The following SH3D19 variants were observed in gnomAD, a reference collection of about 807,000 sequenced individuals.
SH3D19 encodes SH3 domain containing 19.
Under a neutral mutation model 112.1 loss-of-function variants are expected in SH3D19, and 58 were observed. That is an observed-to-expected ratio of 0.52 (90% CI 0.42 to 0.64). The LOEUF (loss-of-function observed/expected upper bound fraction) is 0.64. Among genes scored for constraint, SH3D19 ranks in the 30% least tolerant of loss-of-function variants. SH3D19 has a pLI of 0.00. For synonymous variants in SH3D19, 391 were observed against 448.5 expected (o/e 0.87, Z 1.62); for missense variants, 1,090 against 1,263.4 (o/e 0.86, Z 2.08).
chr4:151,272,596 T>TA (rs1474388399), intron 1 of SH3D19, among the ~76,000 whole-genome samples: 1 of 152,340 alleles, frequency 6.6e-6, no homozygotes, highest in Non-Finnish European at 1.5e-5. Context: ...CTCCCTTTTT[T>TA]ACCTTCACAA....
rs1310258188 is a variant in SH3D19, at chr4:151,129,426, A to G, written c.2743-1070T>C. Among the ~76,000 whole-genome samples the G allele has an allele frequency of 3.3e-5, 5 of 152,200 alleles. No individual in the cohort carries two copies. In the East Asian group the frequency reaches 7.7e-4, roughly 23 times the overall value. ...GCTCTGTTGCCCAGGCTGAAGGGCA[A>G]TGATGCAATCTTGGCTCAATGCAAC... On this transcript the variant is annotated intron_variant, in intron 17 of 19. Transcript: ENST00000604030.
intron 1 of SH3D19, among the ~76,000 whole-genome samples, chr4:151,313,548 C>G (rs537890030): frequency 4.5e-4 from 68 of 152,242 alleles, no homozygotes; most frequent in African/African-American, 1.6e-3. Flanking sequence ...TCCTGAGTAG[C>G]TGGGACTACA....
intron 1 of SH3D19, among the ~76,000 whole-genome samples, chr4:151,256,013 G>A (rs75918932): frequency 8.5e-5 from 9 of 105,312 alleles, no homozygotes; most frequent in Admixed American, 2.2e-4. Context: ...GGAAAGAGAG[G>A]GGGAGAGGGA....
At chr4:151,168,005 C>A (rs1450137286) in intron 7 of SH3D19, among the ~76,000 whole-genome samples, 1 of 152,180 alleles carries the variant, frequency 6.6e-6, no homozygotes, top group Non-Finnish European at 1.5e-5. Flanking sequence ...CAACATTAAA[C>A]TTTACTTTTT....
At chr4:151,224,385 G>A (rs111341169) in intron 2 of SH3D19, among the ~76,000 whole-genome samples, 17 of 152,132 alleles carry the variant, frequency 1.1e-4, no homozygotes, top group African/African-American at 3.6e-4. Flanking sequence ...TAATCAAATC[G>A]GTGCAGACTT....
chr4:151,298,177 A>G (rs984649285), intron 1 of SH3D19, among the ~76,000 whole-genome samples: 25 of 142,202 alleles, frequency 1.8e-4, no homozygotes, highest in African/African-American at 6.5e-4. Flanking sequence ...TTACAGAATA[A>G]TAAATTTTTT....
intron 1 of SH3D19, among the ~76,000 whole-genome samples, chr4:151,289,616 T>C (rs1775134505): frequency 6.6e-6 from 1 of 152,190 alleles, no homozygotes; most frequent in South Asian, 2.1e-4. Flanking sequence ...GATATGCAAA[T>C]GTAGAGAAAT....
chr4:151,322,861 A>G (rs1002833187), intron 1 of SH3D19, among the ~76,000 whole-genome samples: 11 of 152,174 alleles, frequency 7.2e-5, no homozygotes, highest in African/African-American at 2.7e-4. Context: ...ATTCCACTTA[A>G]ATGATCTTAA....
intron 15 of SH3D19, among the ~76,000 whole-genome samples, chr4:151,134,764 T>C (rs913229212): frequency 1.3e-5 from 2 of 152,192 alleles, no homozygotes; most frequent in Admixed American, 6.6e-5. Flanking sequence ...TTTTAACCCA[T>C]TGTCACCTTT....
chr4:151,204,607 C>A (rs1764841802), intron 2 of SH3D19, among the ~76,000 whole-genome samples: 1 of 152,096 alleles, frequency 6.6e-6, no homozygotes, highest in Non-Finnish European at 1.5e-5. Context: ...GTACATCTGC[C>A]ATTTGATGTC....
In SH3D19 at chr4:151,135,077, A is replaced by C; in HGVS notation, c.2483T>G (p.Val828Gly). Reference sequence around the variant, plus strand: ...AAAGAACACAAATAAAACTTACTTAACACAATGAGATGAAACACATTCTCT... The same window carrying C: ...AAAGAACACAAATAAAACTTACTTACCACAATGAGATGAAACACATTCTCT... The part of the protein sequence containing the change: ...GKRECVSSHC[V>G]KGSRCVARFE... Residue 828 changes from valine to glycine, a missense_variant, in exon 15 of 20, where the codon GTT becomes GGT. By Grantham distance (109) the Val-to-Gly change is moderately radical (BLOSUM62 -3). Transcript: ENST00000604030. 1 of 1,600,314 alleles carries C rather than the reference A, an allele frequency of 6.2e-7. No individual in the cohort carries two copies. The highest frequency in any genetic ancestry group is 8.5e-7 in the Non-Finnish European group (1 of 1,171,726).
chr4:151,262,030 T>G (rs1772418168), intron 1 of SH3D19, among the ~76,000 whole-genome samples: 1 of 152,224 alleles, frequency 6.6e-6, no homozygotes, highest in African/African-American at 2.4e-5. Context: ...ATACATATTC[T>G]GAAGACAACT....
At chr4:151,269,340 T>TA (rs1382107625) in intron 1 of SH3D19, among the ~76,000 whole-genome samples, 3 of 152,200 alleles carry the variant, frequency 2.0e-5, no homozygotes, top group Admixed American at 2.0e-4. Context: ...TTCTGGATAT[T>TA]AGCCCTTTGT....
chr4:151,179,942 T>G (rs1487331621), intron 3 of SH3D19, among the ~76,000 whole-genome samples: 1 of 152,126 alleles, frequency 6.6e-6, no homozygotes, highest in Non-Finnish European at 1.5e-5. Context: ...AGCAGTGACA[T>G]GATGTTCAGG....
chr4:151,155,058 A>G (rs1214977110), intron 9 of SH3D19, among the ~76,000 whole-genome samples: 1 of 152,108 alleles, frequency 6.6e-6, no homozygotes. Context: ...GTGCACCCCA[A>G]TACTATTTCA....
intron 1 of SH3D19, among the ~76,000 whole-genome samples, chr4:151,300,158 G>A (rs201608943): frequency 6.6e-6 from 1 of 152,020 alleles, no homozygotes; most frequent in East Asian, 1.9e-4. Flanking sequence ...CCGACATCAT[G>A]CTATTGCACT....
chr4:151,269,942 G>A (rs952120113), intron 1 of SH3D19, among the ~76,000 whole-genome samples: 1 of 152,000 alleles, frequency 6.6e-6, no homozygotes, highest in East Asian at 1.9e-4. Context: ...TCCACATCTT[G>A]TCCCACTGGA....
chr4:151,248,315 A>G (rs1771099929), intron 1 of SH3D19, among the ~76,000 whole-genome samples: 1 of 152,108 alleles, frequency 6.6e-6, no homozygotes, highest in South Asian at 2.1e-4. Context: ...GGAAAAGTCT[A>G]GCTATTTCTG....
intron 1 of SH3D19, chr4:151,226,365 A>G (rs756184792): frequency 8.3e-6 from 9 of 1,090,186 alleles, no homozygotes; most frequent in Non-Finnish European, 1.0e-5. Flanking sequence ...TCCTGTGCTA[A>G]ATACTTTGCT....
Sources: allele counts gnomAD v4.1 joint callset (sites outside exome capture counted in the v4.1 genomes callset), GRCh38; gene constraint gnomAD v4.1.1; transcripts MANE v1.5; gene names NCBI Gene and HGNC (gene_info 2026-07-23, HGNC 2026-07-21).